The following TMEFF2 variants were observed in gnomAD, a reference collection of about 807,000 sequenced individuals.
TMEFF2 encodes the protein transmembrane protein with EGF like and two follistatin like domains 2, also known as tomoregulin-2.
TMEFF2 carries 28 observed loss-of-function variants against 53.8 expected under a neutral mutation model. The observed-to-expected ratio is 0.52, with a 90% CI of 0.39 to 0.71. The LOEUF is 0.71. Among genes scored for constraint, TMEFF2 ranks in the 30% least tolerant of loss-of-function variants. TMEFF2 has a pLI of 0.00. For synonymous variants in TMEFF2, 162 were observed against 166.3 expected (o/e 0.97, Z 0.20); for missense variants, 353 against 455.2 (o/e 0.78, Z 2.04).
intron 4 of TMEFF2, among the ~76,000 whole-genome samples, chr2:192,133,876 C>T (rs1192694357): frequency 6.6e-6 from 1 of 152,232 alleles, no homozygotes; most frequent in Non-Finnish European, 1.5e-5. Context: ...CACACGTGCT[C>T]TCCCTGCTGA....
intron 5 of TMEFF2, among the ~76,000 whole-genome samples, chr2:192,006,661 G>A (rs1045607288): frequency 6.6e-6 from 1 of 152,130 alleles, no homozygotes; most frequent in African/African-American, 2.4e-5. Flanking sequence ...GCTTAACAAA[G>A]TTTCTGAGAA....
In TMEFF2 at chr2:191,978,084, T is replaced by C. The variant is rs559027212; in HGVS notation, c.745+20178A>G. Among the ~76,000 whole-genome samples the C allele has an allele frequency of 3.9e-5, 6 of 152,328 alleles. No homozygotes were observed. The East Asian group carries it at 1.2e-3, about 29-fold the overall frequency. On this transcript the variant is annotated intron_variant, in intron 7 of 9. Transcript: ENST00000272771. ...TTTCTCTACTTCTTTTTTCCTTTTTTAGTTTCCTGAACATGTTCTTTTGAT... is the reference window on the plus strand; with the variant it reads ...TTTCTCTACTTCTTTTTTCCTTTTTCAGTTTCCTGAACATGTTCTTTTGAT...
At chr2:192,038,168 G>A (rs1312972173) in intron 5 of TMEFF2, 1 of 152,120 alleles carries the variant, frequency 6.6e-6, no homozygotes, top group African/African-American at 2.4e-5. Flanking sequence ...TCTTCACTAT[G>A]CCCCAGGTTT....
rs190065973 is a variant in TMEFF2 at position 192,162,728 on chromosome 2, A to C, written c.439+16940T>G. 1.4e-3 allele frequency among the ~76,000 whole-genome samples: 216 copies of C among 152,334 alleles called. 4 individuals are homozygous for C. The highest frequency in any genetic ancestry group is 0.011 in the Admixed American group (172 of 15,292). ...TACTATTAAAGAAGAGGAAAAGCTA[A>C]ATGAGCTTTTAAAAACCAAACAATA... On this transcript the variant is annotated intron_variant, in intron 4 of 9. Coordinates refer to ENST00000272771, the MANE Select transcript of TMEFF2 (RefSeq NM_016192.4).
At chr2:192,079,795 C>A (rs1688511656) in intron 4 of TMEFF2, among the ~76,000 whole-genome samples, 1 of 151,818 alleles carries the variant, frequency 6.6e-6, no homozygotes, top group Non-Finnish European at 1.5e-5. Context: ...TTTAAATAAC[C>A]CAAACATGTG....
chr2:192,018,191 G>A (rs1176186596), intron 5 of TMEFF2, among the ~76,000 whole-genome samples: 1 of 152,090 alleles, frequency 6.6e-6, no homozygotes, highest in East Asian at 1.9e-4. Flanking sequence ...GTTTATCTGA[G>A]TCTCAGATTT....
At chr2:192,164,334 T>C (rs1690703131) in intron 4 of TMEFF2, among the ~76,000 whole-genome samples, 1 of 152,170 alleles carries the variant, frequency 6.6e-6, no homozygotes, top group African/African-American at 2.4e-5. Flanking sequence ...GCCTCTGATC[T>C]TTGTGTACCT....
At chr2:192,042,980 T>G (rs1043845906) in intron 5 of TMEFF2, among the ~76,000 whole-genome samples, 1 of 152,070 alleles carries the variant, frequency 6.6e-6, no homozygotes, top group African/African-American at 2.4e-5. Flanking sequence ...GGCCAGAACT[T>G]AAATGGGAAT....
intron 3 of TMEFF2, among the ~76,000 whole-genome samples, chr2:192,183,649 T>A (rs1287509273): frequency 6.6e-6 from 1 of 152,082 alleles, no homozygotes; most frequent in Non-Finnish European, 1.5e-5. Context: ...CTCAGCCCCA[T>A]TTTAAAGCAT....
At chr2:192,107,024 G>A (rs1689165775) in intron 4 of TMEFF2, among the ~76,000 whole-genome samples, 1 of 151,656 alleles carries the variant, frequency 6.6e-6, no homozygotes, top group South Asian at 2.1e-4. Context: ...AGAGTAAAAT[G>A]TACGGTTTAT....
At chr2:192,146,146 A>G (rs1242574967) in intron 4 of TMEFF2, among the ~76,000 whole-genome samples, 1 of 152,016 alleles carries the variant, frequency 6.6e-6, no homozygotes, top group Non-Finnish European at 1.5e-5. Context: ...ACATCCTGCC[A>G]CCATGCTAGG....
At chr2:191,994,252 A>C (rs937204630) in intron 7 of TMEFF2, among the ~76,000 whole-genome samples, 1 of 151,966 alleles carries the variant, frequency 6.6e-6, no homozygotes, top group Non-Finnish European at 1.5e-5. Context: ...AAAAATATGG[A>C]AGAAAAATAC....
chr2:192,069,398 C>A (rs72916084), intron 4 of TMEFF2, among the ~76,000 whole-genome samples: 58,854 of 150,234 alleles, frequency 0.39, 13,068 homozygotes, highest in East Asian at 0.52. Context: ...TCATCACACA[C>A]AAAAAAAATA....
Position 192,105,258 on chromosome 2 carries a change from A to C in TMEFF2, c.440-47483T>G, listed in dbSNP as rs893309356. ...TGAAGTGTTACTGAAGTACACATAA[A>C]ATTAATATTATTTTTCACATTTCCC... On this transcript the variant is annotated intron_variant, in intron 4 of 9. Transcript: ENST00000272771. Among the ~76,000 whole-genome samples the C allele has an allele frequency of 2.6e-5, 4 of 152,030 alleles. 1 individual carries two copies. Among genetic ancestry groups the C allele is most frequent in the Middle Eastern group, 6.8e-3 (2 of 294 alleles).
intron 7 of TMEFF2, among the ~76,000 whole-genome samples, chr2:191,995,364 A>C (rs778285178): frequency 6.6e-6 from 1 of 152,038 alleles, no homozygotes; most frequent in African/African-American, 2.4e-5. Flanking sequence ...AACTAGATAT[A>C]AGGCAAAAAT....
At chr2:192,167,584 T>C (rs1409121879) in intron 4 of TMEFF2, among the ~76,000 whole-genome samples, 1 of 152,154 alleles carries the variant, frequency 6.6e-6, no homozygotes, top group Non-Finnish European at 1.5e-5. Context: ...TTCTCTTCAC[T>C]AGTTTGTTCT....
chr2:192,047,674 T>A (rs1687657033), intron 5 of TMEFF2, among the ~76,000 whole-genome samples: 1 of 152,220 alleles, frequency 6.6e-6, no homozygotes, highest in Non-Finnish European at 1.5e-5. Flanking sequence ...TTCGTTTTCA[T>A]TATTTATTGG....
At chr2:192,137,715 A>G (rs111485316) in intron 4 of TMEFF2, among the ~76,000 whole-genome samples, 214 of 151,364 alleles carry the variant, frequency 1.4e-3, no homozygotes, top group African/African-American at 4.7e-3. Context: ...ATACCTATAC[A>G]CTGAGCCTGA....
chr2:191,956,311 G>A lies in TMEFF2; in HGVS notation c.813C>T (p.Gly271=), dbSNP rs770113985. ...HHIPCPEHYN[G]FCMHGKCEHS... ...GCTCACACTTCCCATGCATGCAGAA[G>A]CCATTGTAATGTTCCGGACAAGGTA... The change falls in exon 8 of 10, where the codon GGC becomes GGT. Residue 271 remains glycine (G), a synonymous_variant. Coordinates refer to ENST00000272771, the MANE Select transcript of TMEFF2 (RefSeq NM_016192.4). 20 of 1,613,900 alleles carry A rather than the reference G, an allele frequency of 1.2e-5. No individual in the cohort carries two copies.
Sources: allele counts gnomAD v4.1 joint callset (sites outside exome capture counted in the v4.1 genomes callset), GRCh38; gene constraint gnomAD v4.1.1; transcripts MANE v1.5; gene names NCBI Gene and HGNC (gene_info 2026-07-23, HGNC 2026-07-21).